VCL: variants seen among roughly 807,000 people sequenced by gnomAD.
The protein encoded by VCL is vinculin.
VCL carries 47 observed loss-of-function variants against 125.7 expected under a neutral mutation model. The ratio of observed to expected loss-of-function variants is 0.37; its 90% confidence interval spans 0.30 to 0.48. The LOEUF is 0.48. Among genes scored for constraint, VCL ranks in the 20% least tolerant of loss-of-function variants. The pLI is 0.99. For missense variants in VCL, 1,069 were observed against 1,455.5 expected (o/e 0.73, Z 4.32); for synonymous variants, 458 against 514.6 (o/e 0.89, Z 1.49).
At chr10:74,079,338 A>C (rs2136278328) in intron 6 of VCL, among the ~76,000 whole-genome samples, 2 of 152,256 alleles carry the variant, frequency 1.3e-5, no homozygotes, top group Middle Eastern at 3.4e-3. Flanking sequence ...CCCCCTGAAA[A>C]ACAAACCAAA....
At chr10:74,112,733 A>G (rs1238147103) in intron 19 of VCL, among the ~76,000 whole-genome samples, 2 of 152,172 alleles carry the variant, frequency 1.3e-5, no homozygotes, top group Admixed American at 6.5e-5. Context: ...ACAGGCCGCC[A>G]TAGAACTTTG....
intron 1 of VCL, among the ~76,000 whole-genome samples, chr10:74,037,232 T>C (rs1840998202): frequency 6.6e-6 from 1 of 152,218 alleles, no homozygotes; most frequent in African/African-American, 2.4e-5. Flanking sequence ...TGTTCTACTC[T>C]ATTTTTATTT....
intron 13 of VCL, among the ~76,000 whole-genome samples, chr10:74,098,358 AT>A (rs1840003506): frequency 6.6e-6 from 1 of 152,070 alleles, no homozygotes; most frequent in Non-Finnish European, 1.5e-5. Flanking sequence ...TTCACTTAGC[AT>A]TTATCAACAT....
chr10:74,090,161 T>G lies in VCL; in HGVS notation c.1315T>G (p.Ser439Ala). ...DDILRSLGEI[S>A]ALTSKLADLR... ...CATTCTACGTTCCCTTGGGGAAATA[T>G]CTGCTCTGACTTCTAAATTAGCAGA... The change falls in exon 10 of 22, where the codon TCT becomes GCT. Residue 439 changes from serine to alanine, a missense_variant. By Grantham distance (99) the Ser-to-Ala change is moderately conservative (BLOSUM62 1). Around this residue, in one of 6 missense-constraint regions of VCL, gnomAD observed 760 missense variants for 928.9 expected, o/e 0.82. Transcript: ENST00000211998. The G allele has an allele frequency of 6.2e-7, 1 of 1,614,224 alleles. No homozygotes were observed. The highest frequency in any genetic ancestry group is 8.5e-7 in the Non-Finnish European group (1 of 1,180,044).
chr10:74,013,807 A>C (rs1327848939), intron 1 of VCL, among the ~76,000 whole-genome samples: 1 of 152,200 alleles, frequency 6.6e-6, no homozygotes, highest in Non-Finnish European at 1.5e-5. Flanking sequence ...CACAGAGCTA[A>C]GAGCTTTATG....
intron 11 of VCL, 123 bp from the exon 12 acceptor site, chr10:74,095,533 G>A: frequency 8.0e-7 from 1 of 1,244,588 alleles, no homozygotes; most frequent in Non-Finnish European, 1.1e-6. Flanking sequence ...AGGCTGCAAT[G>A]AGCTGTTGTT....
At chr10:74,003,479 TG>T (rs1434001185) in intron 1 of VCL, among the ~76,000 whole-genome samples, 3 of 152,210 alleles carry the variant, frequency 2.0e-5, no homozygotes, top group Admixed American at 2.0e-4. Context: ...CAGTCTGTGA[TG>T]TGACATTATA....
At chr10:74,027,584 C>T (rs1235847332) in intron 1 of VCL, 1 of 145,372 alleles carries the variant, frequency 6.9e-6, no homozygotes, top group Non-Finnish European at 1.5e-5. Context: ...TCGCTTGAAC[C>T]CGGGGGGCGG....
intron 1 of VCL, among the ~76,000 whole-genome samples, chr10:74,034,309 C>T (rs1270261410): frequency 6.6e-6 from 1 of 152,154 alleles, no homozygotes; most frequent in African/African-American, 2.4e-5. Context: ...CCTGTCCTCT[C>T]CACATCTCCT....
rs1840364607 is a variant in VCL, at chr10:74,119,200, A to C, written c.*1031A>C. On this transcript the variant is annotated 3_prime_UTR_variant, in exon 22 of 22. Transcript: ENST00000211998. ...CCTTCCTCCACATCCTTTCTAAACA[A>C]GATTTTAAAGACATGTAGGTGTTTG... is the stretch of plus-strand genomic sequence containing the variant. The C allele has an allele frequency of 6.6e-6, 1 of 152,648 alleles. No individual in the cohort carries two copies. The highest frequency in any genetic ancestry group is 1.5e-5 in the Non-Finnish European group (1 of 68,042). The allele number at this position is 152,648 out of a possible 1,614,324, so 9.5% of individuals were successfully genotyped here.
intron 19 of VCL, 133 bp downstream of exon 19, chr10:74,112,245 C>T (rs1840237090): frequency 1.7e-6 from 2 of 1,164,452 alleles, no homozygotes; most frequent in Non-Finnish European, 2.5e-6. Flanking sequence ...CTGTCTGCAC[C>T]ATGTTGTTAG....
chr10:74,112,890 A>C (rs1288132867), intron 19 of VCL, among the ~76,000 whole-genome samples: 1 of 152,168 alleles, frequency 6.6e-6, no homozygotes, highest in Non-Finnish European at 1.5e-5. Context: ...CTTCTAACCA[A>C]CGTGATGGGG....
intron 7 of VCL, 126 bp downstream of exon 7, chr10:74,082,670 C>CCATTATCTGATAGTAA (rs1839696700): frequency 1.0e-6 from 1 of 976,530 alleles, no homozygotes; most frequent in Non-Finnish European, 1.6e-6. Context: ...GGGGCATACC[C>CCATTATCTGATAGTAA]CATTATCTGA....
At chr10:74,087,758 T>A (rs909120212) in intron 8 of VCL, among the ~76,000 whole-genome samples, 4 of 151,882 alleles carry the variant, frequency 2.6e-5, no homozygotes, top group African/African-American at 4.8e-5. Context: ...GGTGGATCTC[T>A]TGAGGTCGGA....
At chr10:74,055,264 C>T (rs1232750414) in intron 2 of VCL, among the ~76,000 whole-genome samples, 1 of 152,170 alleles carries the variant, frequency 6.6e-6, no homozygotes, top group Non-Finnish European at 1.5e-5. Context: ...CATGTCACTG[C>T]ACCCTAGTCT....
chr10:74,082,371 C>T lies in VCL; in HGVS notation c.784-83C>T. ...ACTACCTTAGCTATGTATGTTAATGCTGTAACTTCTTCTCTGTCTTACGTT... is the reference window on the plus strand; with the variant it reads ...ACTACCTTAGCTATGTATGTTAATGTTGTAACTTCTTCTCTGTCTTACGTT... On this transcript the variant is annotated intron_variant, in intron 6 of 21. Coordinates refer to ENST00000211998, the MANE Select transcript of VCL (RefSeq NM_014000.3). 3 of 1,467,672 alleles carry T rather than the reference C, an allele frequency of 2.0e-6. No individual in the cohort carries two copies. In the South Asian group the frequency reaches 3.5e-5, roughly 17 times the overall value. The allele number at this position is 1,467,672 out of a possible 1,614,324, so 90.9% of individuals were successfully genotyped here. A position where few individuals can be genotyped will look rare whatever the true frequency, so the allele number is the denominator to read the frequency against.
chr10:74,026,536 G>GA, intron 1 of VCL, among the ~76,000 whole-genome samples: 1 of 152,176 alleles, frequency 6.6e-6, no homozygotes, highest in Middle Eastern at 3.4e-3. Context: ...TGTGCTAAAT[G>GA]AAAAATAATT....
chr10:74,074,649 C>A, intron 5 of VCL, 94 bp from the exon 6 acceptor site: 2 of 1,456,460 alleles, frequency 1.4e-6, no homozygotes, highest in South Asian at 1.3e-5. Context: ...ATCTTAAAAG[C>A]CCAAAACATC....
intron 4 of VCL, among the ~76,000 whole-genome samples, chr10:74,072,366 GCA>G (rs1432950311): frequency 6.6e-6 from 1 of 151,920 alleles, no homozygotes; most frequent in Admixed American, 6.6e-5. Context: ...GAGATTTTTA[GCA>G]CAGAGTTCAG....
Sources: gnomAD v4.1 joint callset for allele counts (sites outside exome capture counted in the v4.1 genomes callset) on GRCh38, gnomAD v4.1.1 for gene constraint, gnomAD v4.1.1 regional missense constraint, MANE v1.5 for transcripts, NCBI Gene and HGNC (gene_info 2026-07-23, HGNC 2026-07-21) for gene names.